The following NDUFAF6 variants were observed in gnomAD, a reference collection of about 807,000 sequenced individuals.
The protein encoded by NDUFAF6 is NADH:ubiquinone oxidoreductase complex assembly factor 6.
In NDUFAF6, 45 loss-of-function variants were observed where a neutral mutation model predicts 40.8. The observed-to-expected ratio is 1.10, with a 90% CI of 0.87 to 1.42. The LOEUF is 1.42. Ranked by LOEUF, NDUFAF6 falls within the 40% of genes most tolerant of loss-of-function variation. The pLI, the probability that NDUFAF6 is intolerant of heterozygous loss-of-function variation, is 0.00. For synonymous variants in NDUFAF6, 185 were observed against 155.9 expected, an observed-to-expected ratio of 1.19 and a Z score of -1.39; for missense variants, 435 against 418.5, an observed-to-expected ratio of 1.04 and a Z score of -0.34.
intron 1 of NDUFAF6, among the ~76,000 whole-genome samples, chr8:94,968,257 T>A (rs1161761520): frequency 6.6e-6 from 1 of 152,154 alleles, no homozygotes; most frequent in Non-Finnish European, 1.5e-5. Flanking sequence ...GGGGATTACA[T>A]AAGGGCATGA....
intron 6 of NDUFAF6, among the ~76,000 whole-genome samples, chr8:95,048,129 G>A (rs1188687678): frequency 6.6e-6 from 1 of 152,110 alleles, no homozygotes; most frequent in Non-Finnish European, 1.5e-5. Context: ...GGGAGGTTGA[G>A]GCTATAATGA....
upstream of NDUFAF6, among the ~76,000 whole-genome samples, chr8:95,021,680 G>A (rs931306663): frequency 1.3e-5 from 2 of 152,196 alleles, no homozygotes; most frequent in African/African-American, 4.8e-5. Flanking sequence ...TTAAGGGACA[G>A]CATCTTTTGT....
intron 9 of NDUFAF6, chr8:95,066,796 C>T (rs1427745632): frequency 1.3e-5 from 2 of 152,200 alleles, no homozygotes; most frequent in African/African-American, 2.4e-5. Context: ...TGACACATTC[C>T]ATAGCTCTGA....
intron 2 of NDUFAF6, among the ~76,000 whole-genome samples, chr8:94,949,651 G>A: frequency 6.6e-6 from 1 of 152,190 alleles, no homozygotes; most frequent in East Asian, 1.9e-4. Context: ...GCCGGGGCCG[G>A]CTTTCCAGGA....
chr8:94,905,894 C>T (rs187590605), intron 1 of NDUFAF6, among the ~76,000 whole-genome samples: 235 of 152,362 alleles, frequency 1.5e-3, no homozygotes, highest in Non-Finnish European at 2.9e-3. Flanking sequence ...TGACGCCACA[C>T]ACAATGTGAA....
At chr8:95,107,753 G>A (rs1259713727), downstream of NDUFAF6, among the ~76,000 whole-genome samples, 1 of 152,126 alleles carries the variant, frequency 6.6e-6, no homozygotes, top group East Asian at 1.9e-4. Context: ...AGTTTTTAAA[G>A]GTACCAAGGA....
chr8:94,936,423 TGACA>T lies in NDUFAF6; in HGVS notation c.-935-9059_-935-9056del, dbSNP rs1274299725. ...ACACTGCCAATAGCTCTCAACTGAC[TGACA>T]AAGAGCTGCTTGGTTGTGGATGGCA... is the stretch of plus-strand genomic sequence containing the variant. On this transcript the variant is annotated intron_variant, in intron 1 of 14. Transcript: ENST00000396113. Among the ~76,000 whole-genome samples, 8 of 152,330 alleles carry T rather than the reference TGACA, an allele frequency of 5.3e-5. No individual in the cohort carries two copies. In the South Asian group the frequency reaches 8.3e-4, roughly 16 times the overall value.
chr8:95,030,425 G>A (rs368517614), intron 1 of NDUFAF6, among the ~76,000 whole-genome samples: 2 of 152,138 alleles, frequency 1.3e-5, no homozygotes, highest in South Asian at 2.1e-4. Flanking sequence ...TGTAAAGACA[G>A]TGTCTCACTG....
At chr8:95,056,030 T>C (rs1034720459) in intron 8 of NDUFAF6, among the ~76,000 whole-genome samples, 4 of 152,160 alleles carry the variant, frequency 2.6e-5, no homozygotes, top group Non-Finnish European at 5.9e-5. Context: ...GAACAACATA[T>C]TGCTTAGTTT....
chr8:94,911,045 G>A (rs1818748152), intron 1 of NDUFAF6, among the ~76,000 whole-genome samples: 6 of 152,150 alleles, frequency 3.9e-5, no homozygotes, highest in Admixed American at 1.3e-4. Flanking sequence ...ATCTTCATAC[G>A]TGTGTATACA....
At chr8:94,919,976 T>TA (rs981453771) in intron 1 of NDUFAF6, among the ~76,000 whole-genome samples, 27 of 152,180 alleles carry the variant, frequency 1.8e-4, no homozygotes, top group Non-Finnish European at 3.2e-4. Context: ...GATTTTTTTT[T>TA]AACATAGAAT....
At chr8:94,900,726 C>T (rs1817961939) in intron 1 of NDUFAF6, among the ~76,000 whole-genome samples, 2 of 152,106 alleles carry the variant, frequency 1.3e-5, no homozygotes, top group South Asian at 4.1e-4. Flanking sequence ...GTCCCCAGAG[C>T]TTGAGTTCTG....
intron 1 of NDUFAF6, among the ~76,000 whole-genome samples, chr8:94,967,769 A>G (rs4734294): frequency 0.66 from 100,475 of 151,558 alleles, 33,906 homozygotes; most frequent in East Asian, 0.78. Flanking sequence ...GCAAAACCCC[A>G]TCTCTACTAA....
upstream of NDUFAF6, chr8:95,100,371 G>A (rs1375780158): frequency 1.3e-5 from 2 of 152,116 alleles, no homozygotes; most frequent in Admixed American, 1.3e-4. Context: ...AGGTATGGCT[G>A]GATTTTTTTC....
At chr8:95,035,196 G>A (rs1829346279) in intron 2 of NDUFAF6, among the ~76,000 whole-genome samples, 2 of 152,050 alleles carry the variant, frequency 1.3e-5, no homozygotes, top group African/African-American at 4.8e-5. Flanking sequence ...GCCATTCTTA[G>A]TAGTGAGTGA....
chr8:94,922,288 G>A (rs1819556210), intron 1 of NDUFAF6, among the ~76,000 whole-genome samples: 1 of 151,906 alleles, frequency 6.6e-6, no homozygotes, highest in Admixed American at 6.6e-5. Flanking sequence ...GGAATTACAG[G>A]CATGAACCAC....
intron 1 of NDUFAF6, among the ~76,000 whole-genome samples, chr8:94,936,110 G>T (rs544322350): frequency 4.1e-4 from 62 of 152,252 alleles, no homozygotes; most frequent in Admixed American, 1.0e-3. Context: ...TTGGACTAGA[G>T]AATTTCCACA....
In NDUFAF6 at chr8:94,986,653, T is replaced by G. The variant is rs1050548277; in HGVS notation, c.-84+5680T>G. Reference sequence around the variant, plus strand: ...TTCCATGGGGTTTTCGGTTTTCTGCTTTTTCCTTAGGGTCCTCAAAGATGA... The same window carrying G: ...TTCCATGGGGTTTTCGGTTTTCTGCGTTTTCCTTAGGGTCCTCAAAGATGA... On this transcript the variant is annotated intron_variant, in intron 2 of 9. Transcript: ENST00000396111. Among the ~76,000 whole-genome samples the G allele has an allele frequency of 3.3e-5, 5 of 152,228 alleles. No homozygotes were observed. The East Asian group carries it at 7.7e-4, about 23-fold the overall frequency.
intron 1 of NDUFAF6, among the ~76,000 whole-genome samples, chr8:94,914,669 A>G (rs1043415874): frequency 1.3e-5 from 2 of 152,166 alleles, no homozygotes; most frequent in Non-Finnish European, 2.9e-5. Flanking sequence ...TCACGCCTAT[A>G]ATCTCAGCAC....
Sources: gnomAD v4.1 joint callset for allele counts (sites outside exome capture counted in the v4.1 genomes callset) on GRCh38, gnomAD v4.1.1 for gene constraint, MANE v1.5 for transcripts, NCBI Gene and HGNC (gene_info 2026-07-23, HGNC 2026-07-21) for gene names.